OR4E1: variants seen among roughly 807,000 people sequenced by gnomAD.
OR4E1 encodes olfactory receptor family 4 subfamily E member 1.
In OR4E1 at chr14:21,670,095, C is replaced by A; in HGVS notation, c.841G>T (p.Ala281Ser). 1 of 398,690 alleles carries A rather than the reference C, an allele frequency of 2.5e-6. No individual in the cohort carries two copies. The allele number at this position is 398,690 out of a possible 1,614,324, so 24.7% of individuals were successfully genotyped here. Residue 281 changes from alanine (A) to serine (S), a missense_variant, in exon 2 of 2, where the codon GCA becomes TCA. By Grantham distance (99) the Ala-to-Ser change is moderately conservative (BLOSUM62 1). Transcript: ENST00000641792. ...ATGGGGTTCAGCAGGGGGGTGACTG[C>A]AGTGAAAAACACAGATACTACCTTG... Reference protein sequence around the residue: ...EDKVVSVFFTAVTPLLNPIIY... With the variant: ...EDKVVSVFFTSVTPLLNPIIY...
intron 1 of OR4E1, 150 bp from the exon 2 acceptor site, chr14:21,671,102 C>T (rs1445730479): frequency 7.6e-6 from 3 of 395,376 alleles, no homozygotes; most frequent in Non-Finnish European, 1.3e-5. Flanking sequence ...CCATTAACAT[C>T]TTACATGATG....
intron 1 of OR4E1, among the ~76,000 whole-genome samples, chr14:21,671,597 GT>G (rs1430254848): frequency 1.3e-5 from 2 of 152,140 alleles, no homozygotes; most frequent in African/African-American, 4.8e-5. Flanking sequence ...AAATGTGGAA[GT>G]TGACCTCTCC....
rs1054379905 is a variant in OR4E1, at chr14:21,669,410, G to A, written c.*578C>T. On this transcript the variant is annotated 3_prime_UTR_variant, in exon 2 of 2. Transcript: ENST00000641792. ...TTGCTCTGATGGCAGATTTTGCCTG[G>A]ATACTTGAGAGTGTCAGTAACTTCA... 1 of 152,162 alleles carries A rather than the reference G, an allele frequency of 6.6e-6. No homozygotes were observed. The highest frequency in any genetic ancestry group is 2.4e-5 in the African/African-American group (1 of 41,442). 9.4% of individuals were successfully genotyped at this position (152,162 alleles called of 1,614,324 possible).
rs958804655 is a variant in OR4E1 at position 21,673,267 on chromosome 14, A to T, written c.-195T>A. ...CTATATTATTATCATATTTTTCAAT[A>T]TGTCAAAATATGTAATTCTGCACCA... is the stretch of plus-strand genomic sequence containing the variant. On this transcript the variant is annotated 5_prime_UTR_variant, in exon 1 of 2. Transcript: ENST00000641792. 6.6e-5 allele frequency: 10 copies of T among 152,118 alleles called. No individual in the cohort carries two copies. The highest frequency in any genetic ancestry group is 2.2e-4 in the African/African-American group (9 of 41,418). The allele number at this position is 152,118 out of a possible 1,614,324, so 9.4% of individuals were successfully genotyped here.
In OR4E1 at chr14:21,670,678, C is replaced by G; in HGVS notation, c.258G>C (p.Leu86=). 2.5e-6 allele frequency: 1 copy of G among 401,700 alleles called. No individual in the cohort carries two copies. Among genetic ancestry groups the G allele is most frequent in the Non-Finnish European group, 4.4e-6 (1 of 226,310 alleles). 24.9% of individuals were successfully genotyped at this position (401,700 alleles called of 1,614,324 possible). Residue 86 remains leucine (L), a synonymous_variant, in exon 2 of 2, where the codon CTG becomes CTC. Coordinates refer to ENST00000641792, the MANE Select transcript of OR4E1 (RefSeq NM_001317107.2). ...GCTTTTCCTCTGACCACACGTCTCT[C>G]AGCATCTTGGGGACAGTGACAGTGG... The part of the protein sequence containing the change: ...CHSTVTVPKM[L]RDVWSEEKLI...
rs1443385734 is a variant in OR4E1 at position 21,669,965 on chromosome 14, G to A, written c.*23C>T. On this transcript the variant is annotated 3_prime_UTR_variant, in exon 2 of 2. Coordinates refer to ENST00000641792, the MANE Select transcript of OR4E1 (RefSeq NM_001317107.2). ...GCGCTTCTTTAATTTGGAGCACCAC[G>A]TATCCTAAGGACGTAGACATTTTCA... is the stretch of plus-strand genomic sequence containing the variant. 1 of 398,386 alleles carries A rather than the reference G, an allele frequency of 2.5e-6. No homozygotes were observed. Among genetic ancestry groups the A allele is most frequent in the Non-Finnish European group, 4.4e-6 (1 of 226,022 alleles). 24.7% of individuals were successfully genotyped at this position (398,386 alleles called of 1,614,324 possible). A position where few individuals can be genotyped will look rare whatever the true frequency, so the allele number is the denominator to read the frequency against.
rs1348978553 is a variant in OR4E1, at chr14:21,669,243, T to C, written c.*745A>G. The stretch of plus-strand genomic sequence containing the variant: ...AATTTATTTGTTCATATTTTTGTTT[T>C]CTATTTTCACTAGACCCTAAACTCC... On this transcript the variant is annotated 3_prime_UTR_variant, in exon 2 of 2. Transcript: ENST00000641792. The C allele has an allele frequency of 6.6e-6, 1 of 152,260 alleles. No individual in the cohort carries two copies. The highest frequency in any genetic ancestry group is 1.5e-5 in the Non-Finnish European group (1 of 68,052). 9.4% of individuals were successfully genotyped at this position (152,260 alleles called of 1,614,324 possible). A position where few individuals can be genotyped will look rare whatever the true frequency, so the allele number is the denominator to read the frequency against.
Position 21,673,194 on chromosome 14 carries a change from G to A in OR4E1, c.-122C>T, listed in dbSNP as rs1300441713. 1.3e-5 allele frequency: 2 copies of A among 152,034 alleles called. No homozygotes were observed. The highest frequency in any genetic ancestry group is 2.9e-5 in the Non-Finnish European group (2 of 68,016). 9.4% of individuals were successfully genotyped at this position (152,034 alleles called of 1,614,324 possible). On this transcript the variant is annotated 5_prime_UTR_variant, in exon 1 of 2. Coordinates refer to ENST00000641792, the MANE Select transcript of OR4E1 (RefSeq NM_001317107.2). ...GTAGATGTATTTGGCGATATTTTCTGGTAAAAGGTACTATTTCAGGCTGTC... is the reference window on the plus strand; with the variant it reads ...GTAGATGTATTTGGCGATATTTTCTAGTAAAAGGTACTATTTCAGGCTGTC...
intron 1 of OR4E1, 147 bp from the exon 2 acceptor site, chr14:21,671,099 C>T (rs1880920959): frequency 5.1e-6 from 2 of 395,460 alleles, no homozygotes; most frequent in South Asian, 2.9e-4. Context: ...TCCCCATTAA[C>T]ATCTTACATG....
rs1440489271 is a variant in OR4E1, at chr14:21,673,655, T to C, written c.-583A>G. Reference sequence around the variant, plus strand: ...ACTTTTGCAGGCCCTTCAGGTTTATTAGGACACTTCTAACACAAAACTTGA... The same window carrying C: ...ACTTTTGCAGGCCCTTCAGGTTTATCAGGACACTTCTAACACAAAACTTGA... On this transcript the variant is annotated 5_prime_UTR_variant, in exon 1 of 2. Coordinates refer to ENST00000641792, the MANE Select transcript of OR4E1 (RefSeq NM_001317107.2). The C allele has an allele frequency of 6.6e-6, 1 of 150,906 alleles. No individual in the cohort carries two copies. Among genetic ancestry groups the C allele is most frequent in the Non-Finnish European group, 1.5e-5 (1 of 67,918 alleles). 9.3% of individuals were successfully genotyped at this position (150,906 alleles called of 1,614,324 possible).
chr14:21,673,019 A>G (rs935602207), intron 1 of OR4E1, 71 bp downstream of exon 1: 6 of 152,178 alleles, frequency 3.9e-5, no homozygotes, highest in Admixed American at 1.3e-4. Flanking sequence ...CACTTTCAAT[A>G]TCAAGACTTT....
intron 1 of OR4E1, among the ~76,000 whole-genome samples, chr14:21,672,663 A>C (rs1371932946): frequency 6.6e-6 from 1 of 152,202 alleles, no homozygotes; most frequent in Non-Finnish European, 1.5e-5. Flanking sequence ...GCACAGACTG[A>C]AGAGGGTGTG....
rs1880842042 is a variant in OR4E1, at chr14:21,669,966, T to G, written c.*22A>C. On this transcript the variant is annotated 3_prime_UTR_variant, in exon 2 of 2. Coordinates refer to ENST00000641792, the MANE Select transcript of OR4E1 (RefSeq NM_001317107.2). Reference sequence around the variant, plus strand: ...CGCTTCTTTAATTTGGAGCACCACGTATCCTAAGGACGTAGACATTTTCAT... The same window carrying G: ...CGCTTCTTTAATTTGGAGCACCACGGATCCTAAGGACGTAGACATTTTCAT... 1 of 398,436 alleles carries G rather than the reference T, an allele frequency of 2.5e-6. No homozygotes were observed. The highest frequency in any genetic ancestry group is 1.3e-4 in the South Asian group (1 of 7,770). The allele number at this position is 398,436 out of a possible 1,614,324, so 24.7% of individuals were successfully genotyped here. A position where few individuals can be genotyped will look rare whatever the true frequency, so the allele number is the denominator to read the frequency against.
Position 21,669,952 on chromosome 14 carries a change from T to C in OR4E1, c.*36A>G. On this transcript the variant is annotated 3_prime_UTR_variant, in exon 2 of 2. Coordinates refer to ENST00000641792, the MANE Select transcript of OR4E1 (RefSeq NM_001317107.2). ...TATTCTTTGCAAGGCGCTTCTTTAA[T>C]TTGGAGCACCACGTATCCTAAGGAC... 1 of 398,320 alleles carries C rather than the reference T, an allele frequency of 2.5e-6. No individual in the cohort carries two copies. The highest frequency in any genetic ancestry group is 4.4e-6 in the Non-Finnish European group (1 of 226,014). 24.7% of individuals were successfully genotyped at this position (398,320 alleles called of 1,614,324 possible).
At chr14:21,671,282 G>A (rs567018014) in intron 1 of OR4E1, among the ~76,000 whole-genome samples, 1 of 152,302 alleles carries the variant, frequency 6.6e-6, no homozygotes, top group South Asian at 2.1e-4. Context: ...TTAGGTTATG[G>A]ATTTTTACAG....
Position 21,670,465 on chromosome 14 carries a change from G to A in OR4E1, c.471C>T (p.Thr157=), listed in dbSNP as rs2138554798. Residue 157 remains threonine, a synonymous_variant, in exon 2 of 2, where the codon ACC becomes ACT. Coordinates refer to ENST00000641792, the MANE Select transcript of OR4E1 (RefSeq NM_001317107.2). ...LLAVALWTGG[T]IHSIALTSLT... is the part of the protein sequence containing the mutation. ...GGGAGGTGAGGGCTATGGAGTGGAT[G>A]GTCCCTCCTGTCCAGAGGGCCACAG... is the stretch of plus-strand genomic sequence containing the variant. 1 of 399,452 alleles carries A rather than the reference G, an allele frequency of 2.5e-6. No homozygotes were observed. Among genetic ancestry groups the A allele is most frequent in the South Asian group, 1.3e-4 (1 of 7,844 alleles). The allele number at this position is 399,452 out of a possible 1,614,324, so 24.7% of individuals were successfully genotyped here. A position where few individuals can be genotyped will look rare whatever the true frequency, so the allele number is the denominator to read the frequency against.
intron 1 of OR4E1, among the ~76,000 whole-genome samples, chr14:21,671,934 G>A (rs1312299751): frequency 2.0e-5 from 3 of 151,928 alleles, no homozygotes; most frequent in Non-Finnish European, 4.4e-5. Context: ...ACTGGTCCAA[G>A]GTTACACGGA....
In OR4E1 at chr14:21,670,899, C is replaced by G; in HGVS notation, c.37G>C (p.Val13Leu). ...EAILLNQTSL[V>L]TYFRLRGLSV... ...AAACCTCTAAGCCGAAAATATGTCA[C>G]TAAAGAAGTTTGATTGAGTAGGATG... The change falls in exon 2 of 2, where the codon GTG becomes CTG. Residue 13 changes from valine to leucine, a missense_variant. Transcript: ENST00000641792. 2.5e-6 allele frequency: 1 copy of G among 398,664 alleles called. No individual in the cohort carries two copies. The highest frequency in any genetic ancestry group is 4.4e-6 in the Non-Finnish European group (1 of 226,068). The allele number at this position is 398,664 out of a possible 1,614,324, so 24.7% of individuals were successfully genotyped here. A position where few individuals can be genotyped will look rare whatever the true frequency, so the allele number is the denominator to read the frequency against.
rs1881060851 is a variant in OR4E1 at position 21,673,484 on chromosome 14, T to C, written c.-412A>G. ...TGGGCATGTTGGCTTATACCTGTGG[T>C]TCCAGCTGCTCAGGAGGCTGAGGCA... On this transcript the variant is annotated 5_prime_UTR_variant, in exon 1 of 2. Coordinates refer to ENST00000641792, the MANE Select transcript of OR4E1 (RefSeq NM_001317107.2). The C allele has an allele frequency of 6.6e-6, 1 of 151,580 alleles. No individual in the cohort carries two copies. Among genetic ancestry groups the C allele is most frequent in the Non-Finnish European group, 1.5e-5 (1 of 67,968 alleles). The allele number at this position is 151,580 out of a possible 1,614,324, so 9.4% of individuals were successfully genotyped here.
Sources: allele counts gnomAD v4.1 joint callset (sites outside exome capture counted in the v4.1 genomes callset), GRCh38; gene constraint gnomAD v4.1.1; transcripts MANE v1.5; gene names NCBI Gene and HGNC (gene_info 2026-07-23, HGNC 2026-07-21).